SCAP: variants seen among roughly 807,000 people sequenced by gnomAD.
The protein encoded by SCAP is SREBF chaperone, also known as sterol regulatory element-binding protein cleavage-activating protein.
Under a neutral mutation model 123.6 loss-of-function variants are expected in SCAP, and 65 were observed. The observed-to-expected ratio is 0.53, with a 90% CI of 0.43 to 0.65. The LOEUF is 0.65. Ranked by LOEUF, SCAP falls within the 30% of genes least tolerant of loss-of-function variation. The pLI, the probability that SCAP is intolerant of heterozygous loss-of-function variation, is 0.00. For missense variants in SCAP, 1,398 were observed against 1,712.5 expected (o/e 0.82, Z 3.24); for synonymous variants, 740 against 726.3 (o/e 1.02, Z -0.30).
intron 1 of SCAP, among the ~76,000 whole-genome samples, chr3:47,466,773 A>T (rs952571205): frequency 1.3e-5 from 2 of 152,186 alleles, no homozygotes; most frequent in African/African-American, 4.8e-5. Context: ...AAAATTGATA[A>T]ACTGGAATTC....
At chr3:47,423,879 G>T in intron 9 of SCAP, 54 bp downstream of exon 9, 1 of 1,242,770 alleles carries the variant, frequency 8.0e-7, no homozygotes, top group Non-Finnish European at 1.2e-6. Flanking sequence ...AAGAGGAACA[G>T]GCCCCATTCC....
chr3:47,435,173 TATGAG>T, intron 2 of SCAP, 36 bp from the exon 3 acceptor site: 1 of 1,585,040 alleles, frequency 6.3e-7, no homozygotes, highest in Non-Finnish European at 8.6e-7. Context: ...AATTAGACAC[TATGAG>T]AGGCAGTCCT....
rs78862663 is a variant in SCAP, at chr3:47,442,535, G to C, written c.122+337C>G. ...CAAAAAAGGCTCTTGCACTTAACCAGGTACTAAAACGAAACCACTACTATT... is the reference window on the plus strand; with the variant it reads ...CAAAAAAGGCTCTTGCACTTAACCACGTACTAAAACGAAACCACTACTATT... On this transcript the variant is annotated intron_variant, in intron 2 of 22. Coordinates refer to ENST00000265565, the MANE Select transcript of SCAP (RefSeq NM_012235.4). 6.2e-3 allele frequency among the ~76,000 whole-genome samples: 947 copies of C among 152,288 alleles called. 14 individuals carry two copies. Among genetic ancestry groups the C allele is most frequent in the African/African-American group, 0.022 (906 of 41,566 alleles).
Position 47,457,674 on chromosome 3 carries a change from G to A in SCAP, c.-98-14583C>T, listed in dbSNP as rs540442006. 4.1e-4 allele frequency among the ~76,000 whole-genome samples: 63 copies of A among 152,006 alleles called. No individual in the cohort carries two copies. The Middle Eastern group carries it at 0.01, about 25-fold the overall frequency. ...TATAATCCCAGCACTTTGGGAGGCCGAGGTGGGTGGGTCACGAGGTCAGGA... is the reference window on the plus strand; with the variant it reads ...TATAATCCCAGCACTTTGGGAGGCCAAGGTGGGTGGGTCACGAGGTCAGGA... On this transcript the variant is annotated intron_variant, in intron 1 of 22. Coordinates refer to ENST00000265565, the MANE Select transcript of SCAP (RefSeq NM_012235.4).
intron 1 of SCAP, among the ~76,000 whole-genome samples, chr3:47,461,971 T>G (rs1384335644): frequency 6.6e-6 from 1 of 152,042 alleles, no homozygotes; most frequent in Non-Finnish European, 1.5e-5. Flanking sequence ...GAGGCAAAGG[T>G]TGCAGTGAGC....
chr3:47,413,740 A>ACAGT lies in SCAP; in HGVS notation c.*110_*113dup, dbSNP rs1705416391. 7.3e-7 allele frequency: 1 copy of ACAGT among 1,368,544 alleles called. No homozygotes were observed. The highest frequency in any genetic ancestry group is 1.5e-5 in the African/African-American group (1 of 68,808). 84.8% of individuals were successfully genotyped at this position (1,368,544 alleles called of 1,614,324 possible). A position where few individuals can be genotyped will look rare whatever the true frequency, so the allele number is the denominator to read the frequency against. Reference sequence around the variant, plus strand: ...TTTTTTAAAAAAGTTTAATATTATTACAGTCAGGAGGCAGCGGCTGGAAGA... The same window carrying ACAGT: ...TTTTTTAAAAAAGTTTAATATTATTACAGTCAGTCAGGAGGCAGCGGCTGGAAGA... On this transcript the variant is annotated 3_prime_UTR_variant, in exon 23 of 23. Coordinates refer to ENST00000265565, the MANE Select transcript of SCAP (RefSeq NM_012235.4).
intron 1 of SCAP, among the ~76,000 whole-genome samples, chr3:47,470,953 ACTT>A (rs920333443): frequency 1.3e-5 from 2 of 152,134 alleles, no homozygotes; most frequent in African/African-American, 4.8e-5. Flanking sequence ...CAATTAATAA[ACTT>A]CTCCCCCCAA....
intron 1 of SCAP, among the ~76,000 whole-genome samples, chr3:47,444,723 C>T (rs1376573930): frequency 6.6e-6 from 1 of 151,908 alleles, no homozygotes; most frequent in African/African-American, 2.4e-5. Context: ...GATCCAGCTG[C>T]CTCAGCCTCT....
intron 2 of SCAP, among the ~76,000 whole-genome samples, chr3:47,435,469 TACAC>T (rs57702290): frequency 0.029 from 2,693 of 91,846 alleles, 50 homozygotes; most frequent in Middle Eastern, 0.076. Flanking sequence ...AATATAAACA[TACAC>T]ACACACACAC....
At position 47,449,797 on chromosome 3, in the gene SCAP, G is replaced by A. The variant is rs1707177886; in HGVS notation, c.-98-6706C>T. Among the ~76,000 whole-genome samples the A allele has an allele frequency of 2.4e-5, 3 of 123,892 alleles. 1 individual carries two copies. Among genetic ancestry groups the A allele is most frequent in the African/African-American group, 8.3e-5 (3 of 36,166 alleles). 81.3% of individuals were successfully genotyped at this position (123,892 alleles called of 152,430 possible). ...CAGTTCACTGGTATTTGGAGTTCTG[G>A]TTTCCTTCTCCAATTCGCATGCTAA... On this transcript the variant is annotated intron_variant, in intron 1 of 22. Coordinates refer to ENST00000265565, the MANE Select transcript of SCAP (RefSeq NM_012235.4).
At chr3:47,468,189 T>C (rs969255419) in intron 1 of SCAP, among the ~76,000 whole-genome samples, 5 of 152,236 alleles carry the variant, frequency 3.3e-5, no homozygotes, top group African/African-American at 1.2e-4. Flanking sequence ...TACGTGTGCA[T>C]GTGCCTTTAT....
chr3:47,469,071 G>A (rs1017325109), intron 1 of SCAP, among the ~76,000 whole-genome samples: 2 of 152,238 alleles, frequency 1.3e-5, no homozygotes, highest in Admixed American at 6.5e-5. Flanking sequence ...AAATGGGCCA[G>A]GCACGTTGGC....
Position 47,425,980 on chromosome 3 carries a change from C to G in SCAP, c.910+17G>C. On this transcript the variant is annotated intron_variant, in intron 7 of 22. Coordinates refer to ENST00000265565, the MANE Select transcript of SCAP (RefSeq NM_012235.4). ...TTAGCTTGGAGAAAGCCCTCAGCCT[C>G]CCTGCCATGAACCTACGCGTGGAGA... 6.2e-7 allele frequency: 1 copy of G among 1,613,868 alleles called. No homozygotes were observed. The highest frequency in any genetic ancestry group is 8.5e-7 in the Non-Finnish European group (1 of 1,179,910).
chr3:47,417,341 T>G lies in SCAP; in HGVS notation c.2933A>C (p.Asn978Thr). The G allele has an allele frequency of 6.2e-7, 1 of 1,611,548 alleles. No individual in the cohort carries two copies. Among genetic ancestry groups the G allele is most frequent in the Non-Finnish European group, 8.5e-7 (1 of 1,179,564 alleles). ...GSIWSLELQG[N>T]LIVVGRSSGR... ...GCTGCTCCGCCCCACCACGATGAGG[T>G]TGCCCTGCAGCTCCAAGCTCCAGAT... Residue 978 changes from asparagine to threonine, a missense_variant, in exon 17 of 23, where the codon AAC becomes ACC. This residue lies in a region of SCAP where 828 missense variants were observed against 882.5 expected (regional missense o/e 0.94). Transcript: ENST00000265565.
In SCAP at chr3:47,440,518, CT is replaced by C. The variant is rs201558727; in HGVS notation, c.122+2353del. On this transcript the variant is annotated intron_variant, in intron 2 of 22. Coordinates refer to ENST00000265565, the MANE Select transcript of SCAP (RefSeq NM_012235.4). ...GAAAAAAACAAAATTAAAAAAAAAA[CT>C]TTAAGATCACATGACAAAGATACTC... 1.3e-4 allele frequency among the ~76,000 whole-genome samples: 20 copies of C among 152,034 alleles called. No individual in the cohort carries two copies. In the East Asian group the frequency reaches 3.9e-3, roughly 29 times the overall value.
At chr3:47,466,773 A>C (rs952571205) in intron 1 of SCAP, among the ~76,000 whole-genome samples, 1 of 152,186 alleles carries the variant, frequency 6.6e-6, no homozygotes, top group African/African-American at 2.4e-5. Flanking sequence ...AAAATTGATA[A>C]ACTGGAATTC....
intron 1 of SCAP, among the ~76,000 whole-genome samples, chr3:47,458,070 C>G (rs1004810729): frequency 5.3e-5 from 8 of 151,960 alleles, no homozygotes; most frequent in African/African-American, 1.7e-4. Context: ...GGCAGATCAC[C>G]TGAGGTCTGG....
chr3:47,463,044 T>A (rs1707704450), intron 1 of SCAP, among the ~76,000 whole-genome samples: 1 of 152,108 alleles, frequency 6.6e-6, no homozygotes, highest in African/African-American at 2.4e-5. Flanking sequence ...CCACTTGGTA[T>A]CTCCACTCAA....
chr3:47,425,152 AAC>A (rs914192245), intron 8 of SCAP: 1 of 245,852 alleles, frequency 4.1e-6, no homozygotes, highest in Non-Finnish European at 7.9e-6. Flanking sequence ...AGAATACATA[AAC>A]ACAGACACAC....
Sources: allele counts gnomAD v4.1 joint callset (sites outside exome capture counted in the v4.1 genomes callset), GRCh38; gene constraint gnomAD v4.1.1; regional missense constraint gnomAD v4.1.1; transcripts MANE v1.5; gene names NCBI Gene and HGNC (gene_info 2026-07-23, HGNC 2026-07-21).